The following HCN1 variants were observed in gnomAD, a reference collection of about 807,000 sequenced individuals.
HCN1 encodes the protein hyperpolarization activated cyclic nucleotide gated potassium channel 1.
HCN1 carries 13 observed loss-of-function variants against 78.9 expected under a neutral mutation model. The ratio of observed to expected loss-of-function variants is 0.16; its 90% confidence interval spans 0.11 to 0.26. The LOEUF (loss-of-function observed/expected upper bound fraction) is 0.26, where lower values mean the gene tolerates loss of function less well. Among genes scored for constraint, HCN1 ranks in the 10% least tolerant of loss-of-function variants. The probability of loss-of-function intolerance (pLI) is 1.00; values close to 1 mark genes in which losing one functional copy is unlikely to be tolerated. For synonymous variants in HCN1, 552 were observed against 455.5 expected (o/e 1.21, Z -2.70); for missense variants, 810 against 1,154.3 (o/e 0.70, Z 4.32).
At chr5:45,420,426 C>A (rs1178424895) in intron 3 of HCN1, among the ~76,000 whole-genome samples, 1 of 152,118 alleles carries the variant, frequency 6.6e-6, no homozygotes, top group Non-Finnish European at 1.5e-5. Context: ...TGGATGGGGC[C>A]TCTGGAAACA....
intron 2 of HCN1, among the ~76,000 whole-genome samples, chr5:45,611,250 CTTTT>C (rs1250521661): frequency 1.8e-5 from 2 of 110,476 alleles, no homozygotes; most frequent in African/African-American, 3.2e-5. Flanking sequence ...TGAGATTTTT[CTTTT>C]TTTTTTATCT....
intron 3 of HCN1, among the ~76,000 whole-genome samples, chr5:45,440,115 AG>A (rs1326931695): frequency 6.6e-6 from 1 of 151,320 alleles, no homozygotes; most frequent in Non-Finnish European, 1.5e-5. Context: ...CAAATAATAA[AG>A]ATAGAAACTT....
intron 2 of HCN1, among the ~76,000 whole-genome samples, chr5:45,585,669 G>A (rs1474047691): frequency 6.6e-6 from 1 of 152,078 alleles, no homozygotes; most frequent in Non-Finnish European, 1.5e-5. Flanking sequence ...TCTACCTGTG[G>A]TCTTTCATGA....
At chr5:45,625,089 G>T (rs1263644155) in intron 2 of HCN1, among the ~76,000 whole-genome samples, 1 of 152,134 alleles carries the variant, frequency 6.6e-6, no homozygotes, top group Non-Finnish European at 1.5e-5. Context: ...AGTGGCTCAT[G>T]CCTGTAACCC....
intron 5 of HCN1, among the ~76,000 whole-genome samples, chr5:45,328,242 C>T (rs1226020827): frequency 2.0e-5 from 3 of 151,230 alleles, no homozygotes; most frequent in South Asian, 2.1e-4. Flanking sequence ...TTTGCGGTGC[C>T]ACAGCAAAAC....
chr5:45,287,511 A>G (rs1745291549), intron 6 of HCN1, among the ~76,000 whole-genome samples: 1 of 152,100 alleles, frequency 6.6e-6, no homozygotes, highest in South Asian at 2.1e-4. Context: ...ATTACTTAGC[A>G]CAATGCCTGG....
At chr5:45,598,558 T>C (rs1744555190) in intron 2 of HCN1, among the ~76,000 whole-genome samples, 1 of 152,058 alleles carries the variant, frequency 6.6e-6, no homozygotes, top group Admixed American at 6.6e-5. Context: ...AAAGCCAAAA[T>C]AGACAAATGG....
intron 6 of HCN1, among the ~76,000 whole-genome samples, chr5:45,283,519 C>T (rs770675483): frequency 6.6e-6 from 1 of 151,910 alleles, no homozygotes; most frequent in Non-Finnish European, 1.5e-5. Context: ...GACATACATG[C>T]GGCCAACAAT....
rs1448926620 is a variant in HCN1 at position 45,502,601 on chromosome 5, T to C, written c.850-40594A>G. ...CTTTATATTAGATAAATGATAACTA[T>C]AATTCACAATAAAAATGGAAAGAAC... On this transcript the variant is annotated intron_variant, in intron 2 of 7. Transcript: ENST00000303230. Among the ~76,000 whole-genome samples the C allele has an allele frequency of 2.6e-5, 4 of 152,102 alleles. No homozygotes were observed. In the East Asian group the frequency reaches 5.8e-4, roughly 22 times the overall value.
intron 2 of HCN1, among the ~76,000 whole-genome samples, chr5:45,493,847 G>A (rs962509668): frequency 3.7e-4 from 56 of 150,136 alleles, no homozygotes; most frequent in Admixed American, 9.3e-4. Flanking sequence ...GAGAATATGC[G>A]GTGTTTGGTT....
intron 2 of HCN1, among the ~76,000 whole-genome samples, chr5:45,464,667 TATA>T (rs901450242): frequency 1.3e-5 from 2 of 151,398 alleles, no homozygotes; most frequent in Admixed American, 1.3e-4. Context: ...ATGTAAAGTA[TATA>T]ATATTACTTG....
intron 2 of HCN1, among the ~76,000 whole-genome samples, chr5:45,494,451 GT>G (rs887963777): frequency 6.2e-4 from 94 of 151,646 alleles, no homozygotes; most frequent in Admixed American, 1.8e-3. Context: ...GGGGTTGTTT[GT>G]TTTTTTCTTG....
intron 2 of HCN1, among the ~76,000 whole-genome samples, chr5:45,501,764 T>C (rs556252547): frequency 4.6e-5 from 7 of 152,094 alleles, no homozygotes; most frequent in Non-Finnish European, 5.9e-5. Context: ...TTTTAAAGCA[T>C]AGAGTTATGA....
intron 2 of HCN1, among the ~76,000 whole-genome samples, chr5:45,493,945 G>T (rs1741959728): frequency 1.3e-5 from 2 of 152,032 alleles, no homozygotes. Flanking sequence ...ATTTTTTATG[G>T]CTGCGTAGTA....
intron 1 of HCN1, among the ~76,000 whole-genome samples, chr5:45,691,015 C>T (rs1218263608): frequency 2.0e-5 from 3 of 152,096 alleles, no homozygotes; most frequent in African/African-American, 7.2e-5. Context: ...TTCCTGCTCA[C>T]TATAGGACAT....
intron 2 of HCN1, chr5:45,642,134 T>C (rs1289285749): frequency 2.0e-5 from 3 of 152,168 alleles, no homozygotes; most frequent in African/African-American, 4.8e-5. Flanking sequence ...ATCTAAATTG[T>C]CTCTGGTTTT....
intron 2 of HCN1, among the ~76,000 whole-genome samples, chr5:45,551,144 T>C (rs1255971786): frequency 6.6e-6 from 1 of 151,998 alleles, no homozygotes; most frequent in Admixed American, 6.6e-5. Context: ...TTCGCTGGCC[T>C]AAATTTTGGG....
Position 45,261,124 on chromosome 5 carries a change from A to C in HCN1, c.*797T>G, listed in dbSNP as rs1744729251. On this transcript the variant is annotated 3_prime_UTR_variant, in exon 8 of 8. Coordinates refer to ENST00000303230, the MANE Select transcript of HCN1 (RefSeq NM_021072.4). ...TTTAAAACTCTAAGTTTTGAAGTGA[A>C]GCAATAAAACTAAATTCTTAAACAA... The C allele has an allele frequency of 6.5e-6, 1 of 152,682 alleles. No individual in the cohort carries two copies. The highest frequency in any genetic ancestry group is 2.1e-4 in the South Asian group (1 of 4,834). 9.5% of individuals were successfully genotyped at this position (152,682 alleles called of 1,614,324 possible).
intron 2 of HCN1, among the ~76,000 whole-genome samples, chr5:45,610,438 A>G (rs942757176): frequency 2.0e-5 from 3 of 151,544 alleles, no homozygotes; most frequent in Non-Finnish European, 2.9e-5. Flanking sequence ...AAAGTATTTC[A>G]GTTTTATATA....
Sources: gnomAD v4.1 joint callset for allele counts (sites outside exome capture counted in the v4.1 genomes callset) on GRCh38, gnomAD v4.1.1 for gene constraint, MANE v1.5 for transcripts, NCBI Gene and HGNC (gene_info 2026-07-23, HGNC 2026-07-21) for gene names.